Variants in SALL3 observed in about 807,000 individuals in gnomAD.
SALL3 encodes the protein spalt like transcription factor 3.
In SALL3, 25 loss-of-function variants were observed where a neutral mutation model predicts 66.2. That is an observed-to-expected ratio of 0.38 (90% CI 0.28 to 0.53). The LOEUF is 0.53. Ranked by LOEUF, SALL3 falls within the 20% of genes least tolerant of loss-of-function variation. The pLI is 0.85. For synonymous variants in SALL3, 1,152 were observed against 899.1 expected (o/e 1.28, Z -5.03); for missense variants, 2,194 against 1,916.5 (o/e 1.14, Z -2.70).
rs1481651499 is a variant in SALL3 at position 78,980,262 on chromosome 18, C to A, written c.-13C>A. Reference sequence around the variant, plus strand: ...GCCGCTGCCCCGCGCGGGGCCCGAGCGCCGCTAGCAGCATGTCTCGGCGCA... The same window carrying A: ...GCCGCTGCCCCGCGCGGGGCCCGAGAGCCGCTAGCAGCATGTCTCGGCGCA... On this transcript the variant is annotated 5_prime_UTR_variant, in exon 1 of 3. Transcript: ENST00000537592. 5 of 1,275,598 alleles carry A rather than the reference C, an allele frequency of 3.9e-6. No homozygotes were observed. Among genetic ancestry groups the A allele is most frequent in the East Asian group, 7.8e-5 (2 of 25,732 alleles). The allele number at this position is 1,275,598 out of a possible 1,614,324, so 79.0% of individuals were successfully genotyped here.
At chr18:78,981,353 G>A (rs527890093) in intron 1 of SALL3, among the ~76,000 whole-genome samples, 4 of 152,358 alleles carry the variant, frequency 2.6e-5, no homozygotes, top group Non-Finnish European at 5.9e-5. Flanking sequence ...CGAGCCCGCA[G>A]CACAGCTCGC....
chr18:78,987,250 A>G (rs988272278), intron 1 of SALL3, among the ~76,000 whole-genome samples: 5 of 152,240 alleles, frequency 3.3e-5, no homozygotes, highest in Non-Finnish European at 5.9e-5. Flanking sequence ...GATAGATTCT[A>G]TAACAGACCA....
rs1036666806 is a variant in SALL3 at position 78,994,873 on chromosome 18, C to A, written c.2882C>A (p.Pro961His). Residue 961 changes from proline (P) to histidine (H), a missense_variant, in exon 2 of 3, where the codon CCC (proline) becomes CAC (histidine). Transcript: ENST00000537592. ...CGCGCGGGCATCAAGGAGGAGGCGCCCTTCAGCCTGCTGTTCCTGAGCAGG... is the reference window on the plus strand; with the variant it reads ...CGCGCGGGCATCAAGGAGGAGGCGCACTTCAGCCTGCTGTTCCTGAGCAGG... ...PGRAGIKEEA[P>H]FSLLFLSRER... 1 of 1,608,592 alleles carries A rather than the reference C, an allele frequency of 6.2e-7. No individual in the cohort carries two copies. The highest frequency in any genetic ancestry group is 8.5e-7 in the Non-Finnish European group (1 of 1,177,796).
chr18:78,995,811 CTG>C (rs1914675369), intron 2 of SALL3, among the ~76,000 whole-genome samples: 1 of 152,038 alleles, frequency 6.6e-6, no homozygotes, highest in Non-Finnish European at 1.5e-5. Context: ...TCTGGCATGC[CTG>C]TGTGTCCCTG....
rs919386192 is a variant in SALL3, at chr18:78,992,101, C to T, written c.110C>T (p.Ala37Val). 1.9e-6 allele frequency: 3 copies of T among 1,572,410 alleles called. No homozygotes were observed. Among genetic ancestry groups the T allele is most frequent in the African/African-American group, 1.4e-5 (1 of 73,684 alleles). The change falls in exon 2 of 3, where the codon GCA becomes GTA. Residue 37 changes from alanine (A) to valine (V), a missense_variant. Coordinates refer to ENST00000537592, the MANE Select transcript of SALL3 (RefSeq NM_171999.4). The part of the protein sequence containing the change: ...HAAPGEGAED[A>V]DSGPESRSGG... ...GCCCCGGGGGAAGGTGCGGAGGACGCAGACAGCGGGCCCGAGAGCCGCAGC... is the reference window on the plus strand; with the variant it reads ...GCCCCGGGGGAAGGTGCGGAGGACGTAGACAGCGGGCCCGAGAGCCGCAGC...
At position 78,993,846 on chromosome 18, in the gene SALL3, G is replaced by A. The variant is rs1338102490; in HGVS notation, c.1855G>A (p.Ala619Thr). The change falls in exon 2 of 3, where the codon GCT (alanine) becomes ACT (threonine). Residue 619 changes from alanine (A) to threonine (T), a missense_variant. Transcript: ENST00000537592. ...GDAPVGAQAS[A>T]APTSVDGAPT... ...CGCTCCCGTGGGCGCGCAGGCTAGC[G>A]CTGCACCCACATCGGTGGACGGCGC... 7.7e-6 allele frequency: 12 copies of A among 1,560,968 alleles called. No individual in the cohort carries two copies. The highest frequency in any genetic ancestry group is 1.0e-5 in the Non-Finnish European group (12 of 1,155,128).
Position 78,994,473 on chromosome 18 carries a change from T to TCCTGCCCGC in SALL3, c.2486_2494dup (p.Cys829_Pro831dup), listed in dbSNP as rs533022401. 1 of 1,611,782 alleles carries TCCTGCCCGC rather than the reference T, an allele frequency of 6.2e-7. No individual in the cohort carries two copies. Among genetic ancestry groups the TCCTGCCCGC allele is most frequent in the Non-Finnish European group, 8.5e-7 (1 of 1,179,262 alleles). ...CAAGCCACTCCTGTCCTACGCGGGG[T>TCCTGCCCGC]CCTGCCCGCCCTCCCCGCCCTCGGT... On this transcript the variant is annotated inframe_insertion, in exon 2 of 3. Coordinates refer to ENST00000537592, the MANE Select transcript of SALL3 (RefSeq NM_171999.4).
chr18:78,993,829 T>C lies in SALL3; in HGVS notation c.1838T>C (p.Val613Ala), dbSNP rs775998039. Reference protein sequence around the residue: ...CTNARAGDAPVGAQASAAPTS... With the variant: ...CTNARAGDAPAGAQASAAPTS... ...AACGCCAGGGCCGGGGACGCTCCCGTGGGCGCGCAGGCTAGCGCTGCACCC... is the reference window on the plus strand; with the variant it reads ...AACGCCAGGGCCGGGGACGCTCCCGCGGGCGCGCAGGCTAGCGCTGCACCC... The change falls in exon 2 of 3, where the codon GTG becomes GCG. Residue 613 changes from valine (V) to alanine (A), a missense_variant. Transcript: ENST00000537592. The C allele has an allele frequency of 1.9e-5, 29 of 1,553,796 alleles. No homozygotes were observed. In the East Asian group the frequency reaches 6.7e-4, roughly 36 times the overall value.
Position 78,993,807 on chromosome 18 carries a change from G to T in SALL3, c.1816G>T (p.Ala606Ser). 2 of 1,552,646 alleles carry T rather than the reference G, an allele frequency of 1.3e-6. No homozygotes were observed. Among genetic ancestry groups the T allele is most frequent in the South Asian group, 2.4e-5 (2 of 84,742 alleles). The change falls in exon 2 of 3, where the codon GCC (alanine) becomes TCC (serine). Residue 606 changes from alanine to serine, a missense_variant. Physicochemically the swap from Ala to Ser is moderately conservative, Grantham distance 99. Coordinates refer to ENST00000537592, the MANE Select transcript of SALL3 (RefSeq NM_171999.4). ...AEPVSLPCTN[A>S]RAGDAPVGAQ... ...GCCCGTCAGCCTGCCCTGCACCAACGCCAGGGCCGGGGACGCTCCCGTGGG... is the reference window on the plus strand; with the variant it reads ...GCCCGTCAGCCTGCCCTGCACCAACTCCAGGGCCGGGGACGCTCCCGTGGG...
chr18:78,992,552 GGCAGGCGGCTCGGGA>G lies in SALL3; in HGVS notation c.567_581del (p.Ser191_Gly195del). ...CGCAGTTCTCGCAGGGCGCGCGCGC[GGCAGGCGGCTCGGGA>G]GCAGGTGGAGGCGTGGCAGCTGCAG... On this transcript the variant is annotated inframe_deletion, in exon 2 of 3. Transcript: ENST00000537592. The G allele has an allele frequency of 6.7e-7, 1 of 1,499,696 alleles. No individual in the cohort carries two copies. Among genetic ancestry groups the G allele is most frequent in the African/African-American group, 1.5e-5 (1 of 68,896 alleles). 92.9% of individuals were successfully genotyped at this position (1,499,696 alleles called of 1,614,324 possible).
In SALL3 at chr18:78,998,391, A is replaced by C. The variant is rs1245282431; in HGVS notation, c.*1069A>C. 1 of 152,210 alleles carries C rather than the reference A, an allele frequency of 6.6e-6. No individual in the cohort carries two copies. Among genetic ancestry groups the C allele is most frequent in the Non-Finnish European group, 1.5e-5 (1 of 68,038 alleles). The allele number at this position is 152,210 out of a possible 1,614,324, so 9.4% of individuals were successfully genotyped here. A position where few individuals can be genotyped will look rare whatever the true frequency, so the allele number is the denominator to read the frequency against. ...TTGTCTTATGGTCAAACAATATTAG[A>C]AATCTCTGCCACTTGAAAAGCCACC... On this transcript the variant is annotated 3_prime_UTR_variant, in exon 3 of 3. Coordinates refer to ENST00000537592, the MANE Select transcript of SALL3 (RefSeq NM_171999.4).
Position 78,994,685 on chromosome 18 carries a change from G to C in SALL3, c.2694G>C (p.Glu898Asp). 6.2e-7 allele frequency: 1 copy of C among 1,607,484 alleles called. No individual in the cohort carries two copies. Among genetic ancestry groups the C allele is most frequent in the Non-Finnish European group, 8.5e-7 (1 of 1,179,458 alleles). Reference protein sequence around the residue: ...SRSAGSPALSESSSSQALSPA... With the variant: ...SRSAGSPALSDSSSSQALSPA... ...GCGCGGGCAGCCCCGCCCTGTCCGA[G>C]TCCTCGTCCTCGCAGGCCCTGTCGC... Residue 898 changes from glutamate to aspartate, a missense_variant, in exon 2 of 3, where the codon GAG becomes GAC. Coordinates refer to ENST00000537592, the MANE Select transcript of SALL3 (RefSeq NM_171999.4).
rs775005477 is a variant in SALL3, at chr18:78,994,684, A to AGTCCTC, written c.2701_2706dup (p.Ser901_Ser902dup). 53 of 1,608,068 alleles carry AGTCCTC rather than the reference A, an allele frequency of 3.3e-5. No homozygotes were observed. The highest frequency in any genetic ancestry group is 4.1e-5 in the Non-Finnish European group (48 of 1,179,520). On this transcript the variant is annotated inframe_insertion, in exon 2 of 3. Transcript: ENST00000537592. ...AGCGCGGGCAGCCCCGCCCTGTCCG[A>AGTCCTC]GTCCTCGTCCTCGCAGGCCCTGTCG... is the stretch of plus-strand genomic sequence containing the variant.
chr18:78,982,616 A>G (rs899452463), intron 1 of SALL3, among the ~76,000 whole-genome samples: 25 of 152,216 alleles, frequency 1.6e-4, no homozygotes, highest in Non-Finnish European at 3.1e-4. Context: ...CATCGTTCCT[A>G]AGATAACTAA....
At chr18:78,986,076 A>G (rs562421888) in intron 1 of SALL3, among the ~76,000 whole-genome samples, 2 of 152,386 alleles carry the variant, frequency 1.3e-5, no homozygotes, top group African/African-American at 2.4e-5. Context: ...CTATTGTGCA[A>G]CCTTGAAGTG....
rs1195166500 is a variant in SALL3 at position 78,992,276 on chromosome 18, C to G, written c.285C>G (p.Pro95=). The G allele has an allele frequency of 1.3e-6, 2 of 1,544,000 alleles. No homozygotes were observed. Among genetic ancestry groups the G allele is most frequent in the South Asian group, 1.2e-5 (1 of 83,934 alleles). ...CCGCGCCGCCCCCCGAGGACTTCCC[C>G]GAGCCTTCGCCCGCCAGCTCCCCCA... ...DAPAPPPEDF[P]EPSPASSPSE... is the part of the protein sequence containing the mutation. Residue 95 remains proline, a synonymous_variant, in exon 2 of 3, where the codon CCC becomes CCG. Transcript: ENST00000537592.
In SALL3 at chr18:78,993,293, G is replaced by A. The variant is rs768341115; in HGVS notation, c.1302G>A (p.Ala434=). 6 of 1,611,412 alleles carry A rather than the reference G, an allele frequency of 3.7e-6. No homozygotes were observed. The highest frequency in any genetic ancestry group is 4.5e-5 in the East Asian group (2 of 44,810). Residue 434 remains alanine, a synonymous_variant, in exon 2 of 3, where the codon GCG becomes GCA. Transcript: ENST00000537592. ...FCAKVFGSDS[A]LQIHLRSHTG... is the part of the protein sequence containing the mutation. ...CCAAGGTCTTCGGCAGCGACAGCGC[G>A]CTCCAGATCCACCTGCGCTCGCACA...
chr18:78,988,461 A>G (rs1207545955), intron 1 of SALL3, among the ~76,000 whole-genome samples: 12 of 152,244 alleles, frequency 7.9e-5, no homozygotes, highest in Non-Finnish European at 1.2e-4. Flanking sequence ...TCTGCAAGCC[A>G]GCAAAATGTC....
rs149828750 is a variant in SALL3 at position 78,981,414 on chromosome 18, G to A, written c.82+1058G>A. On this transcript the variant is annotated intron_variant, in intron 1 of 2. Coordinates refer to ENST00000537592, the MANE Select transcript of SALL3 (RefSeq NM_171999.4). ...AACAGGCAGGCCAACTTTTATGATT[G>A]ACCTGTTATAAGTTGTTGGAGGCAG... Among the ~76,000 whole-genome samples, 986 of 152,316 alleles carry A rather than the reference G, an allele frequency of 6.5e-3. 12 individuals are homozygous for A. Among genetic ancestry groups the A allele is most frequent in the African/African-American group, 0.023 (937 of 41,570 alleles).
Sources: allele counts gnomAD v4.1 joint callset (sites outside exome capture counted in the v4.1 genomes callset), GRCh38; gene constraint gnomAD v4.1.1; transcripts MANE v1.5; gene names NCBI Gene and HGNC (gene_info 2026-07-23, HGNC 2026-07-21).